CDR2L: variants seen among roughly 807,000 people sequenced by gnomAD.
The protein encoded by CDR2L is cerebellar degeneration related protein 2 like.
CDR2L carries 19 observed loss-of-function variants against 36.1 expected under a neutral mutation model. That is an observed-to-expected ratio of 0.53 (90% CI 0.37 to 0.77). CDR2L has a LOEUF of 0.77. Ranked by LOEUF, CDR2L falls within the 30% of genes least tolerant of loss-of-function variation. The pLI is 0.00. For synonymous variants in CDR2L, 285 were observed against 280.4 expected, an observed-to-expected ratio of 1.02 and a Z score of -0.16; for missense variants, 575 against 627.2, an observed-to-expected ratio of 0.92 and a Z score of 0.89.
At chr17:75,000,165 A>G (rs1387821777) in intron 2 of CDR2L, among the ~76,000 whole-genome samples, 1 of 152,096 alleles carries the variant, frequency 6.6e-6, no homozygotes, top group Non-Finnish European at 1.5e-5. Flanking sequence ...GGTCCCAGCT[A>G]CTCAAGAGGA....
intron 1 of CDR2L, among the ~76,000 whole-genome samples, chr17:74,996,308 G>A (rs1171224537): frequency 2.0e-5 from 3 of 151,918 alleles, no homozygotes; most frequent in East Asian, 3.9e-4. Flanking sequence ...GCTGGATGTG[G>A]TTGTAGGCGA....
intron 1 of CDR2L, among the ~76,000 whole-genome samples, chr17:74,988,804 A>G (rs1374404434): frequency 1.3e-5 from 2 of 152,138 alleles, no homozygotes; most frequent in Admixed American, 1.3e-4. Context: ...GAGAGACCGA[A>G]TAAAGAGGGA....
At position 75,003,957 on chromosome 17, in the gene CDR2L, G is replaced by A; in HGVS notation, c.1281G>A (p.Lys427=). The stretch of plus-strand genomic sequence containing the variant: ...GCCAGCACGTGGAGGCCGTGGACAA[G>A]CGGCTGGAACAGAGCCAGCCCGAGT... ...SLSQHVEAVD[K]RLEQSQPEYK... is the part of the protein sequence containing the mutation. The change falls in exon 5 of 5, where the codon AAG becomes AAA. Residue 427 remains lysine (K), a synonymous_variant. Coordinates refer to ENST00000337231, the MANE Select transcript of CDR2L (RefSeq NM_014603.3). 1 of 1,610,670 alleles carries A rather than the reference G, an allele frequency of 6.2e-7. No individual in the cohort carries two copies. The highest frequency in any genetic ancestry group is 8.5e-7 in the Non-Finnish European group (1 of 1,178,622).
intron 1 of CDR2L, among the ~76,000 whole-genome samples, chr17:74,998,984 G>A (rs796890852): frequency 2.6e-5 from 4 of 152,284 alleles, no homozygotes; most frequent in African/African-American, 7.2e-5. Flanking sequence ...GTCTCACCAT[G>A]CGCTGGTGTG....
At chr17:75,001,511 G>A (rs1194258688) in intron 3 of CDR2L, 22 bp downstream of exon 3, 6 of 1,510,792 alleles carry the variant, frequency 4.0e-6, no homozygotes, top group Non-Finnish European at 4.4e-6. Context: ...GCTGAGGGCT[G>A]GGGGGCGGGC....
rs765389272 is a variant in CDR2L at position 75,005,734 on chromosome 17, A to C, written c.*1660A>C. 6.6e-6 allele frequency: 1 copy of C among 152,646 alleles called. No individual in the cohort carries two copies. Among genetic ancestry groups the C allele is most frequent in the Non-Finnish European group, 1.5e-5 (1 of 68,042 alleles). 9.5% of individuals were successfully genotyped at this position (152,646 alleles called of 1,614,324 possible). A position where few individuals can be genotyped will look rare whatever the true frequency, so the allele number is the denominator to read the frequency against. On this transcript the variant is annotated 3_prime_UTR_variant, in exon 5 of 5. Coordinates refer to ENST00000337231, the MANE Select transcript of CDR2L (RefSeq NM_014603.3). This position sits in a 1 kb window ranked among gnomAD's most constrained non-coding sequence, Gnocchi z 4.2. ...GTCACCTTTGAAGTATACGTGAGAG[A>C]AATATATTTACAAATGCTTTATTCT...
At chr17:74,997,429 TC>T (rs1292727309) in intron 1 of CDR2L, among the ~76,000 whole-genome samples, 1 of 152,080 alleles carries the variant, frequency 6.6e-6, no homozygotes, top group Non-Finnish European at 1.5e-5. Flanking sequence ...TGCCTGAGCC[TC>T]CCGGGGAGAG....
At position 75,002,212 on chromosome 17, in the gene CDR2L, C is replaced by T; in HGVS notation, c.490C>T (p.Leu164=). Residue 164 remains leucine, a synonymous_variant, in exon 4 of 5, where the codon CTG becomes TTG. Transcript: ENST00000337231. This position sits in a 1 kb window ranked among gnomAD's most constrained non-coding sequence, Gnocchi z 4.1. ...CCACACCTTCCCCTGCCTCAAGGAGCTGTGCACCAGCCCCCGGTAGGTGAG... is the reference window on the plus strand; with the variant it reads ...CCACACCTTCCCCTGCCTCAAGGAGTTGTGCACCAGCCCCCGGTAGGTGAG... The part of the protein sequence containing the change: ...TIHTFPCLKE[L]CTSPRCKDAF... 1 of 1,609,344 alleles carries T rather than the reference C, an allele frequency of 6.2e-7. No individual in the cohort carries two copies. The highest frequency in any genetic ancestry group is 1.3e-5 in the African/African-American group (1 of 74,938).
At chr17:75,000,794 G>C (rs576732118) in intron 2 of CDR2L, among the ~76,000 whole-genome samples, 68 of 151,370 alleles carry the variant, frequency 4.5e-4, no homozygotes, top group Admixed American at 2.3e-3. Context: ...GGCACCAGTA[G>C]TCCCAGCTAC....
chr17:75,000,254 A>G (rs985679724), intron 2 of CDR2L, among the ~76,000 whole-genome samples: 7 of 151,850 alleles, frequency 4.6e-5, no homozygotes, highest in African/African-American at 1.5e-4. Context: ...CAGCCTAGGC[A>G]ACAGAGCGAG....
chr17:75,003,201 C>G lies in CDR2L; in HGVS notation c.525C>G (p.Arg175=). ...CTSPRCKDAF[R]LHSSSLELGP... is the part of the protein sequence containing the mutation. The stretch of plus-strand genomic sequence containing the variant: ...CCGCCAGGTGCAAGGATGCTTTCCG[C>G]CTACACAGTTCCTCCCTGGAGCTGG... The change falls in exon 5 of 5, where the codon CGC becomes CGG. Residue 175 remains arginine, a synonymous_variant. Transcript: ENST00000337231. 6.4e-7 allele frequency: 1 copy of G among 1,564,982 alleles called. No individual in the cohort carries two copies. The highest frequency in any genetic ancestry group is 1.2e-5 in the South Asian group (1 of 84,798).
chr17:75,003,410 A>G lies in CDR2L; in HGVS notation c.734A>G (p.Gln245Arg). ...CEMEACRLRVQELEAELLELQ... is the reference protein window; with the variant it reads ...CEMEACRLRVRELEAELLELQ... ...ATGGAGGCCTGTCGCCTGCGTGTGCAGGAGCTGGAGGCCGAGCTGCTGGAG... is the reference window on the plus strand; with the variant it reads ...ATGGAGGCCTGTCGCCTGCGTGTGCGGGAGCTGGAGGCCGAGCTGCTGGAG... Residue 245 changes from glutamine (Q) to arginine (R), a missense_variant, in exon 5 of 5, where the codon CAG becomes CGG. Transcript: ENST00000337231. The G allele has an allele frequency of 2.5e-6, 4 of 1,571,792 alleles. No individual in the cohort carries two copies. The highest frequency in any genetic ancestry group is 3.4e-6 in the Non-Finnish European group (4 of 1,159,728).
intron 1 of CDR2L, among the ~76,000 whole-genome samples, chr17:74,999,288 G>GCACA (rs113287746): frequency 0.13 from 18,537 of 144,784 alleles, 1,511 homozygotes; most frequent in African/African-American, 0.22. Context: ...ATTACATCTT[G>GCACA]CACACACACA....
chr17:74,995,210 C>CTT (rs75415821), intron 1 of CDR2L, among the ~76,000 whole-genome samples: 6 of 144,058 alleles, frequency 4.2e-5, no homozygotes, highest in Non-Finnish European at 7.7e-5. Context: ...TCTACACTTT[C>CTT]TTTTTTTTTT....
chr17:74,989,174 C>G lies in CDR2L; in HGVS notation c.79+1052C>G, dbSNP rs1208635641. On this transcript the variant is annotated intron_variant, in intron 1 of 4. Coordinates refer to ENST00000337231, the MANE Select transcript of CDR2L (RefSeq NM_014603.3). The surrounding 1 kb of genome is among the most constrained non-coding windows in gnomAD (Gnocchi z 4.2). ...TCTCCATCCACAAGGCTCCAGAGGG[C>G]TGGCTTTGCCCTGATGTGCAGCAGC... Among the ~76,000 whole-genome samples the G allele has an allele frequency of 1.3e-5, 2 of 152,202 alleles. No individual in the cohort carries two copies.
Position 74,987,982 on chromosome 17 carries a change from C to T in CDR2L, c.-62C>T. 3 of 1,051,620 alleles carry T rather than the reference C, an allele frequency of 2.9e-6. No homozygotes were observed. The highest frequency in any genetic ancestry group is 4.7e-5 in the South Asian group (2 of 42,678). The allele number at this position is 1,051,620 out of a possible 1,614,324, so 65.1% of individuals were successfully genotyped here. A position where few individuals can be genotyped will look rare whatever the true frequency, so the allele number is the denominator to read the frequency against. On this transcript the variant is annotated 5_prime_UTR_variant, in exon 1 of 5. Transcript: ENST00000337231. The stretch of plus-strand genomic sequence containing the variant: ...CCGGCCCGCCTCAGCCGCATTGTCC[C>T]GGGCCGCGCGCACCGGCCCTGAGCT...
chr17:74,996,443 C>CA (rs11420117), intron 1 of CDR2L, among the ~76,000 whole-genome samples: 108,586 of 122,862 alleles, frequency 0.88, 47,944 homozygotes, highest in Non-Finnish European at 0.94. Flanking sequence ...GACTCCGTCT[C>CA]AAAAAAAAAA....
chr17:75,001,950 G>A, intron 3 of CDR2L, 114 bp from the exon 4 acceptor site: 1 of 879,624 alleles, frequency 1.1e-6, no homozygotes, highest in Non-Finnish European at 1.7e-6. Context: ...CGGCTCAAGG[G>A]TACCTGTCTG....
In CDR2L at chr17:75,003,165, A is replaced by G; in HGVS notation, c.507-18A>G. On this transcript the variant is annotated intron_variant, in intron 4 of 4. Coordinates refer to ENST00000337231, the MANE Select transcript of CDR2L (RefSeq NM_014603.3). Reference sequence around the variant, plus strand: ...TCTCCTCCGCCCCCACCCCGCTGCGACTCTCACTACCCGCCAGGTGCAAGG... The same window carrying G: ...TCTCCTCCGCCCCCACCCCGCTGCGGCTCTCACTACCCGCCAGGTGCAAGG... 6.4e-7 allele frequency: 1 copy of G among 1,553,786 alleles called. No homozygotes were observed. Among genetic ancestry groups the G allele is most frequent in the Non-Finnish European group, 8.7e-7 (1 of 1,149,788 alleles).
Sources: gnomAD v4.1 joint callset for allele counts (sites outside exome capture counted in the v4.1 genomes callset) on GRCh38, gnomAD v4.1.1 for gene constraint, Gnocchi (gnomAD v3.1) non-coding constraint, MANE v1.5 for transcripts, NCBI Gene and HGNC (gene_info 2026-07-23, HGNC 2026-07-21) for gene names.